The following PPM1K variants were observed in gnomAD, a reference collection of about 807,000 sequenced individuals.
The protein encoded by PPM1K is protein phosphatase Mn(2+)-dependent 1K.
PPM1K carries 19 observed loss-of-function variants against 32.6 expected under a neutral mutation model. That is an observed-to-expected ratio of 0.58 (90% CI 0.41 to 0.86). PPM1K has a LOEUF of 0.86. Among genes scored for constraint, PPM1K ranks in the 40% least tolerant of loss-of-function variants. The pLI is 0.00. For missense variants in PPM1K, 362 were observed against 461.2 expected (o/e 0.78, Z 1.97); for synonymous variants, 159 against 165.3 (o/e 0.96, Z 0.29).
intron 2 of PPM1K, chr4:88,277,818 C>G (rs888651741): frequency 1.2e-4 from 37 of 313,258 alleles, no homozygotes; most frequent in Non-Finnish European, 1.9e-4. Flanking sequence ...TTTACTGAAG[C>G]ACTTATCTGT....
chr4:88,275,153 AAT>A, intron 3 of PPM1K: 1 of 535,812 alleles, frequency 1.9e-6, no homozygotes, highest in Non-Finnish European at 2.4e-6. Context: ...AATTAAATTA[AAT>A]AATGCATTTT....
chr4:88,260,303 T>G lies in PPM1K; in HGVS notation c.*2292A>C, dbSNP rs1731070913. The G allele has an allele frequency of 6.6e-6, 1 of 152,224 alleles. No individual in the cohort carries two copies. Among genetic ancestry groups the G allele is most frequent in the Non-Finnish European group, 1.5e-5 (1 of 68,042 alleles). 9.4% of individuals were successfully genotyped at this position (152,224 alleles called of 1,614,324 possible). On this transcript the variant is annotated 3_prime_UTR_variant, in exon 7 of 7. Coordinates refer to ENST00000608933, the MANE Select transcript of PPM1K (RefSeq NM_152542.5). ...CTTGACCTCAGGTGATCCACCTGCCTTGGCCTCCCAAAGTGCTAGGATTAC... is the reference window on the plus strand; with the variant it reads ...CTTGACCTCAGGTGATCCACCTGCCGTGGCCTCCCAAAGTGCTAGGATTAC...
chr4:88,282,451 A>G (rs1370886744), intron 1 of PPM1K, among the ~76,000 whole-genome samples: 2 of 152,248 alleles, frequency 1.3e-5, no homozygotes, highest in African/African-American at 2.4e-5. Flanking sequence ...AACTTCCACA[A>G]TGAGAACACA....
At chr4:88,276,312 C>A in intron 3 of PPM1K, 9 of 985,356 alleles carry the variant, frequency 9.1e-6, no homozygotes, top group Non-Finnish European at 1.1e-5. Context: ...AAATACAGAT[C>A]AAGATTATTG....
rs545146665 is a variant in PPM1K at position 88,262,022 on chromosome 4, A to G, written c.*573T>C. 1.3e-5 allele frequency: 2 copies of G among 152,228 alleles called. No individual in the cohort carries two copies. Among genetic ancestry groups the G allele is most frequent in the East Asian group, 3.9e-4 (2 of 5,188 alleles). The allele number at this position is 152,228 out of a possible 1,614,324, so 9.4% of individuals were successfully genotyped here. Reference sequence around the variant, plus strand: ...AGGCATGAGCCACTGTGCCTGGCCAAATTAATTTCTTTTGCATGGTTGCTT... The same window carrying G: ...AGGCATGAGCCACTGTGCCTGGCCAGATTAATTTCTTTTGCATGGTTGCTT... On this transcript the variant is annotated 3_prime_UTR_variant, in exon 7 of 7. Coordinates refer to ENST00000608933, the MANE Select transcript of PPM1K (RefSeq NM_152542.5).
chr4:88,281,727 T>A (rs909909164), intron 1 of PPM1K, among the ~76,000 whole-genome samples: 1 of 152,184 alleles, frequency 6.6e-6, no homozygotes, highest in African/African-American at 2.4e-5. Flanking sequence ...GCAATGTAAC[T>A]AAATCATATC....
intron 3 of PPM1K, among the ~76,000 whole-genome samples, chr4:88,272,437 G>T (rs1199282656): frequency 3.9e-5 from 6 of 152,122 alleles, no homozygotes; most frequent in African/African-American, 1.4e-4. Flanking sequence ...TGTTCCATTT[G>T]TCCCTTTCGG....
At chr4:88,264,212 A>C (rs1278814749) in intron 6 of PPM1K, among the ~76,000 whole-genome samples, 1 of 152,254 alleles carries the variant, frequency 6.6e-6, no homozygotes, top group Non-Finnish European at 1.5e-5. Context: ...TAAGCAAATA[A>C]TACTTTTAAA....
In PPM1K at chr4:88,268,397, C is replaced by T. The variant is rs533049204; in HGVS notation, c.708-63G>A. ...AAACCCTTTGGGAGGCCAAGGAGGG[C>T]AGATCACGAGGTCAGGAGATCGAGA... On this transcript the variant is annotated intron_variant, in intron 4 of 6. Coordinates refer to ENST00000608933, the MANE Select transcript of PPM1K (RefSeq NM_152542.5). The T allele has an allele frequency of 1.9e-5, 30 of 1,575,554 alleles. No homozygotes were observed. In the East Asian group the frequency reaches 3.6e-4, roughly 19 times the overall value.
chr4:88,278,107 G>A lies in PPM1K; in HGVS notation c.440+37C>T. Reference sequence around the variant, plus strand: ...GTGAAAGTTTAAGTAGGAAGTATAGGAACTGCAAAGTCAGGAGTGAAAGTC... The same window carrying A: ...GTGAAAGTTTAAGTAGGAAGTATAGAAACTGCAAAGTCAGGAGTGAAAGTC... On this transcript the variant is annotated intron_variant, in intron 2 of 6. Coordinates refer to ENST00000608933, the MANE Select transcript of PPM1K (RefSeq NM_152542.5). The surrounding 1 kb of genome is among the most constrained non-coding windows in gnomAD (Gnocchi z 4.2). 1 of 1,553,188 alleles carries A rather than the reference G, an allele frequency of 6.4e-7. No individual in the cohort carries two copies. Among genetic ancestry groups the A allele is most frequent in the Non-Finnish European group, 8.8e-7 (1 of 1,134,604 alleles).
At chr4:88,281,045 A>G (rs1449704315) in intron 1 of PPM1K, among the ~76,000 whole-genome samples, 1 of 152,240 alleles carries the variant, frequency 6.6e-6, no homozygotes, top group Non-Finnish European at 1.5e-5. Flanking sequence ...TCAAACTACA[A>G]TACAATCTAC....
intron 3 of PPM1K, chr4:88,276,511 A>G: frequency 2.0e-6 from 2 of 985,368 alleles, no homozygotes; most frequent in Non-Finnish European, 2.4e-6. Flanking sequence ...TCAAAATTTA[A>G]GGACATACAG....
At chr4:88,272,335 T>A (rs922995442) in intron 3 of PPM1K, among the ~76,000 whole-genome samples, 1 of 152,120 alleles carries the variant, frequency 6.6e-6, no homozygotes, top group African/African-American at 2.4e-5. Flanking sequence ...CATAAAGAGG[T>A]CACAGGATAT....
chr4:88,275,478 T>A, intron 3 of PPM1K: 6 of 985,446 alleles, frequency 6.1e-6, no homozygotes, highest in Non-Finnish European at 7.2e-6. Context: ...TGTCATATTT[T>A]ACATCAAGTC....
At chr4:88,264,671 T>C (rs1731239396) in intron 6 of PPM1K, among the ~76,000 whole-genome samples, 2 of 152,238 alleles carry the variant, frequency 1.3e-5, no homozygotes, top group East Asian at 1.9e-4. Flanking sequence ...GATTACAATA[T>C]ATGTAACTGT....
chr4:88,265,102 T>C lies in PPM1K; in HGVS notation c.886A>G (p.Thr296Ala), dbSNP rs1330571275. The change falls in exon 6 of 7, where the codon ACC becomes GCC. Residue 296 changes from threonine (T) to alanine (A), a missense_variant. Coordinates refer to ENST00000608933, the MANE Select transcript of PPM1K (RefSeq NM_152542.5). The part of the protein sequence containing the change: ...HHADDSFLVL[T>A]TDGINFMVNS... ...ACCATGAAGTTAATTCCATCTGTGG[T>C]GAGGACCAGGAAGCTGTCATCAGCA... 1 of 1,614,078 alleles carries C rather than the reference T, an allele frequency of 6.2e-7. No homozygotes were observed. The highest frequency in any genetic ancestry group is 8.5e-7 in the Non-Finnish European group (1 of 1,180,030).
chr4:88,277,159 G>A lies in PPM1K; in HGVS notation c.525C>T (p.Ala175=), dbSNP rs778580842. The A allele has an allele frequency of 1.2e-5, 19 of 1,613,294 alleles. No homozygotes were observed. The highest frequency in any genetic ancestry group is 1.5e-5 in the Non-Finnish European group (18 of 1,179,428). Residue 175 remains alanine, a synonymous_variant, in exon 3 of 7, where the codon GCC becomes GCT. Coordinates refer to ENST00000608933, the MANE Select transcript of PPM1K (RefSeq NM_152542.5). ...TTTACATACCATCAGCAGACAGGCG[G>A]GCATGACTCGAAAAGGCTTTATCTA... The part of the protein sequence containing the change: ...LEIDKAFSSH[A]RLSADATLLT...
intron 1 of PPM1K, chr4:88,279,519 T>C (rs565311633): frequency 6.6e-6 from 1 of 152,306 alleles, no homozygotes; most frequent in African/African-American, 2.4e-5. Flanking sequence ...TATATTTACA[T>C]TCACAGCTGC....
intron 1 of PPM1K, among the ~76,000 whole-genome samples, chr4:88,281,674 G>A (rs1460984204): frequency 6.6e-6 from 1 of 152,068 alleles, no homozygotes; most frequent in African/African-American, 2.4e-5. Context: ...CATCGCTTAG[G>A]TAAACGAGAT....
Sources: gnomAD v4.1 joint callset for allele counts (sites outside exome capture counted in the v4.1 genomes callset) on GRCh38, gnomAD v4.1.1 for gene constraint, Gnocchi (gnomAD v3.1) non-coding constraint, MANE v1.5 for transcripts, NCBI Gene and HGNC (gene_info 2026-07-23, HGNC 2026-07-21) for gene names.